CNEP1R1: variants seen among roughly 807,000 people sequenced by gnomAD.
The protein encoded by CNEP1R1 is nuclear envelope phosphatase-regulatory subunit 1.
CNEP1R1 carries 10 observed loss-of-function variants against 22.7 expected under a neutral mutation model. The observed-to-expected ratio is 0.44, with a 90% CI of 0.27 to 0.75. The LOEUF (loss-of-function observed/expected upper bound fraction) is 0.75, where lower values mean the gene tolerates loss of function less well. CNEP1R1 is among the 30% of genes least tolerant of loss of function. CNEP1R1 has a pLI of 0.17. For synonymous variants in CNEP1R1, 53 were observed against 50.1 expected (o/e 1.06, Z -0.25); for missense variants, 73 against 151.5 (o/e 0.48, Z 2.72).
rs895240862 is a variant in CNEP1R1 at position 50,029,902 on chromosome 16, C to G, written c.171+104C>G. 16 of 630,314 alleles carry G rather than the reference C, an allele frequency of 2.5e-5. No individual in the cohort carries two copies. The African/African-American group carries it at 2.8e-4, about 11-fold the overall frequency. The allele number at this position is 630,314 out of a possible 1,614,324, so 39.0% of individuals were successfully genotyped here. A position where few individuals can be genotyped will look rare whatever the true frequency, so the allele number is the denominator to read the frequency against. On this transcript the variant is annotated intron_variant, in intron 3 of 5. Transcript: ENST00000427478. ...TTCAAACACTACCTATTAACTACTACTAGTGATATTGTCATATTAAAAATA... is the reference window on the plus strand; with the variant it reads ...TTCAAACACTACCTATTAACTACTAGTAGTGATATTGTCATATTAAAAATA...
At chr16:50,026,591 A>T in intron 2 of CNEP1R1, 124 bp downstream of exon 2, 1 of 723,446 alleles carries the variant, frequency 1.4e-6, no homozygotes, top group African/African-American at 1.8e-5. Context: ...ACAATGCCTT[A>T]TGAAGAAATT....
chr16:50,036,420 T>TAA lies in CNEP1R1; in HGVS notation c.*963_*964dup. 6.6e-6 allele frequency: 1 copy of TAA among 152,332 alleles called. No individual in the cohort carries two copies. The highest frequency in any genetic ancestry group is 1.9e-4 in the East Asian group (1 of 5,188). 9.4% of individuals were successfully genotyped at this position (152,332 alleles called of 1,614,324 possible). ...TCCCAAAATGCTGGGATTACAGGCA[T>TAA]AAGCCACCGTGCCTGGCCTCTTTAA... On this transcript the variant is annotated 3_prime_UTR_variant, in exon 6 of 6. Transcript: ENST00000427478.
chr16:50,026,834 C>G (rs576694323), intron 2 of CNEP1R1: 1 of 180,342 alleles, frequency 5.5e-6, no homozygotes. Context: ...ATTAGCCGGT[C>G]GTGGTGACGC....
chr16:50,035,417 A>G lies in CNEP1R1; in HGVS notation c.337A>G (p.Thr113Ala). The G allele has an allele frequency of 6.4e-7, 1 of 1,561,760 alleles. No homozygotes were observed. The highest frequency in any genetic ancestry group is 1.2e-5 in the South Asian group (1 of 86,058). ...LAEYNMSCDD[T>A]GKLILKPRPH... ...AAATTCTGTCTTTTCATTTTTGCAG[A>G]CAGGAAAACTAATTTTGAAACCTAG... Residue 113 changes from threonine (T) to alanine (A), a missense_variant and splice_region_variant, in exon 6 of 6, where the codon ACA becomes GCA. Transcript: ENST00000427478.
intron 1 of CNEP1R1, chr16:50,025,762 C>T: frequency 7.0e-7 from 1 of 1,418,714 alleles, no homozygotes; most frequent in African/African-American, 1.4e-5. Context: ...AAGGATACCC[C>T]ACCACTCACT....
chr16:50,036,837 T>G lies in CNEP1R1; in HGVS notation c.*1379T>G, dbSNP rs1425483863. 6.6e-6 allele frequency: 1 copy of G among 152,646 alleles called. No individual in the cohort carries two copies. Among genetic ancestry groups the G allele is most frequent in the Non-Finnish European group, 1.5e-5 (1 of 68,036 alleles). The allele number at this position is 152,646 out of a possible 1,614,324, so 9.5% of individuals were successfully genotyped here. ...TTATTTCATGAGCAATCTTTTAAAT[T>G]TCATTTAACATAAAGCTGAAAATTC... On this transcript the variant is annotated 3_prime_UTR_variant, in exon 6 of 6. Transcript: ENST00000427478.
At chr16:50,027,302 G>C (rs1282747645) in intron 2 of CNEP1R1, among the ~76,000 whole-genome samples, 1 of 152,142 alleles carries the variant, frequency 6.6e-6, no homozygotes, top group East Asian at 1.9e-4. Context: ...GAGGTCAGGA[G>C]AGCGAGACCA....
chr16:50,034,089 C>G lies in CNEP1R1; in HGVS notation c.282-13C>G, dbSNP rs2036255478. 1 of 1,584,036 alleles carries G rather than the reference C, an allele frequency of 6.3e-7. No homozygotes were observed. The highest frequency in any genetic ancestry group is 1.7e-4 in the Middle Eastern group (1 of 6,020). Reference sequence around the variant, plus strand: ...TTGAAATGAGAAATTTTCCTTTGACCACATGTATTCAGTATAGCTGCTCGA... The same window carrying G: ...TTGAAATGAGAAATTTTCCTTTGACGACATGTATTCAGTATAGCTGCTCGA... On this transcript the variant is annotated splice_polypyrimidine_tract_variant and intron_variant, in intron 4 of 5. Transcript: ENST00000427478.
intron 3 of CNEP1R1, 112 bp downstream of exon 3, chr16:50,029,910 A>AT: frequency 1.7e-6 from 1 of 586,280 alleles, no homozygotes; most frequent in Non-Finnish European, 3.0e-6. Context: ...TACTAGTGAT[A>AT]TTGTCATATT....
intron 4 of CNEP1R1, among the ~76,000 whole-genome samples, chr16:50,033,858 C>T (rs1174249970): frequency 3.0e-5 from 4 of 134,184 alleles, no homozygotes; most frequent in African/African-American, 8.3e-5. Flanking sequence ...AGCAAGACTG[C>T]GTCTCAAAAA....
At chr16:50,027,205 A>G (rs1381978711) in intron 2 of CNEP1R1, among the ~76,000 whole-genome samples, 5 of 151,796 alleles carry the variant, frequency 3.3e-5, no homozygotes, top group African/African-American at 7.3e-5. Context: ...GGAGTTTGAG[A>G]CCAGCCTGGG....
chr16:50,030,420 C>G (rs1390047370), intron 3 of CNEP1R1, among the ~76,000 whole-genome samples: 7 of 152,064 alleles, frequency 4.6e-5, no homozygotes, highest in Admixed American at 2.6e-4. Flanking sequence ...TGTGACAGAG[C>G]TAGACCCTGT....
At chr16:50,025,484 C>T in intron 1 of CNEP1R1, 144 bp downstream of exon 1, 2 of 1,121,960 alleles carry the variant, frequency 1.8e-6, no homozygotes, top group Non-Finnish European at 2.5e-6. Flanking sequence ...GGCGCGTAGG[C>T]GGCCGTACCT....
chr16:50,033,538 C>CT, intron 4 of CNEP1R1, 32 bp downstream of exon 4: 1 of 1,202,080 alleles, frequency 8.3e-7, no homozygotes. Flanking sequence ...ATTCCATTCT[C>CT]TGAAGTGCTT....
At chr16:50,027,785 C>T (rs945189210) in intron 2 of CNEP1R1, among the ~76,000 whole-genome samples, 1 of 151,934 alleles carries the variant, frequency 6.6e-6, no homozygotes, top group Non-Finnish European at 1.5e-5. Flanking sequence ...GCTTTGAAGT[C>T]TGACCTAGAA....
intron 3 of CNEP1R1, among the ~76,000 whole-genome samples, chr16:50,031,440 T>C (rs545118335): frequency 6.6e-6 from 1 of 152,270 alleles, no homozygotes. Context: ...AGGCTGCACT[T>C]GGTAGTCATC....
intron 2 of CNEP1R1, among the ~76,000 whole-genome samples, chr16:50,028,277 C>G (rs1361005085): frequency 6.6e-6 from 1 of 152,088 alleles, no homozygotes; most frequent in Non-Finnish European, 1.5e-5. Context: ...TTTTAATTTC[C>G]TAGATGGTCA....
At chr16:50,025,507 G>T (rs544148336) in intron 1 of CNEP1R1, 167 bp downstream of exon 1, 436 of 1,076,968 alleles carry the variant, frequency 4.0e-4, no homozygotes, top group Non-Finnish European at 5.5e-4. Context: ...CCAGACGCGG[G>T]GGGCGGTGCC....
chr16:50,029,179 A>T (rs9941357), intron 2 of CNEP1R1, among the ~76,000 whole-genome samples: 17,294 of 152,166 alleles, frequency 0.11, 1,015 homozygotes, highest in African/African-American at 0.16. Flanking sequence ...TTTTACTGGC[A>T]GTAATTTCTA....
Sources: allele counts gnomAD v4.1 joint callset (sites outside exome capture counted in the v4.1 genomes callset), GRCh38; gene constraint gnomAD v4.1.1; transcripts MANE v1.5; gene names NCBI Gene and HGNC (gene_info 2026-07-23, HGNC 2026-07-21).